Variants in LRRC7 observed in about 807,000 individuals in gnomAD.
LRRC7 encodes leucine-rich repeat-containing protein 7.
Under a neutral mutation model 175.7 loss-of-function variants are expected in LRRC7, and 23 were observed. The ratio of observed to expected loss-of-function variants is 0.13; its 90% confidence interval spans 0.09 to 0.19. LRRC7 has a LOEUF of 0.19. Ranked by LOEUF, LRRC7 falls within the 10% of genes least tolerant of loss-of-function variation. The pLI, the probability that LRRC7 is intolerant of heterozygous loss-of-function variation, is 1.00. For missense variants in LRRC7, 1,354 were observed against 1,904.7 expected, an observed-to-expected ratio of 0.71 and a Z score of 5.38; for synonymous variants, 685 against 680.9, an observed-to-expected ratio of 1.01 and a Z score of -0.09.
At chr1:70,074,281 A>C (rs1662611795) in intron 23 of LRRC7, among the ~76,000 whole-genome samples, 1 of 152,184 alleles carries the variant, frequency 6.6e-6, no homozygotes, top group African/African-American at 2.4e-5. Context: ...AAACAAAAGA[A>C]CACAATGCAA....
chr1:69,950,805 G>A (rs944935151), intron 8 of LRRC7, among the ~76,000 whole-genome samples: 2 of 151,988 alleles, frequency 1.3e-5, no homozygotes, highest in Non-Finnish European at 2.9e-5. Context: ...AGAACACAAG[G>A]GAGATGGATA....
chr1:69,650,556 G>GAAAAAAAAAAAAAAAAAAAA (rs1161888834), intron 1 of LRRC7, among the ~76,000 whole-genome samples: 1 of 87,104 alleles, frequency 1.1e-5, no homozygotes, highest in African/African-American at 4.7e-5. Context: ...AAAAAAAAAT[G>GAAAAAAAAAAAAAAAAAAAA]CCAAGCATCT....
intron 26 of LRRC7, among the ~76,000 whole-genome samples, chr1:70,113,985 C>T (rs2102227976): frequency 6.6e-6 from 1 of 152,026 alleles, no homozygotes; most frequent in Admixed American, 6.6e-5. Flanking sequence ...TGTTGATGTT[C>T]ACAGTTATTA....
chr1:69,884,241 C>T (rs1686937132), intron 7 of LRRC7, among the ~76,000 whole-genome samples: 1 of 87,952 alleles, frequency 1.1e-5, no homozygotes, highest in African/African-American at 4.4e-5. Flanking sequence ...TTCTTCCTAC[C>T]CATGAGCATG....
chr1:69,865,387 C>A (rs1311755949), intron 7 of LRRC7, among the ~76,000 whole-genome samples: 1 of 148,386 alleles, frequency 6.7e-6, no homozygotes, highest in African/African-American at 2.5e-5. Flanking sequence ...GAAGTGCCAA[C>A]ACTAATAGGC....
intron 1 of LRRC7, among the ~76,000 whole-genome samples, chr1:69,672,339 C>T (rs1659201865): frequency 6.6e-6 from 1 of 152,166 alleles, no homozygotes. Flanking sequence ...TGGCTAGCAG[C>T]CACTTTATTG....
At chr1:69,576,048 A>G (rs1296538197) in intron 1 of LRRC7, among the ~76,000 whole-genome samples, 1 of 147,128 alleles carries the variant, frequency 6.8e-6, no homozygotes, top group Admixed American at 7.0e-5. Context: ...CTTGGGCAAT[A>G]TAGTGAGATG....
chr1:69,870,932 C>A (rs1423971209), intron 7 of LRRC7, among the ~76,000 whole-genome samples: 1 of 152,078 alleles, frequency 6.6e-6, no homozygotes, highest in African/African-American at 2.4e-5. Context: ...AACACAATTG[C>A]ATGTATTTAG....
chr1:69,786,408 C>T (rs1195075841), intron 3 of LRRC7, among the ~76,000 whole-genome samples: 2 of 151,746 alleles, frequency 1.3e-5, no homozygotes, highest in Admixed American at 6.6e-5. Context: ...CTATTCCTTT[C>T]TGTCCTCCAT....
chr1:70,084,903 T>C (rs1233960822), intron 24 of LRRC7, among the ~76,000 whole-genome samples: 1 of 152,152 alleles, frequency 6.6e-6, no homozygotes, highest in Admixed American at 6.6e-5. Context: ...ACTAATGATA[T>C]TGAGTATATT....
chr1:69,687,144 C>G (rs1031576543), intron 2 of LRRC7, among the ~76,000 whole-genome samples: 8 of 151,618 alleles, frequency 5.3e-5, no homozygotes, highest in African/African-American at 1.9e-4. Context: ...TTTATTTAGC[C>G]CAACTTAGTT....
chr1:70,013,484 G>A (rs1656702049), intron 13 of LRRC7, among the ~76,000 whole-genome samples: 1 of 151,804 alleles, frequency 6.6e-6, no homozygotes, highest in Admixed American at 6.6e-5. Flanking sequence ...CTATATTTTG[G>A]TTTCCAACAA....
At chr1:69,878,159 T>A (rs1230437361) in intron 7 of LRRC7, among the ~76,000 whole-genome samples, 2 of 152,106 alleles carry the variant, frequency 1.3e-5, no homozygotes, top group Non-Finnish European at 2.9e-5. Flanking sequence ...AACAGGTATT[T>A]GTAAAGATTG....
chr1:69,651,333 A>T (rs1252383568), intron 1 of LRRC7, among the ~76,000 whole-genome samples: 2 of 152,208 alleles, frequency 1.3e-5, no homozygotes, highest in African/African-American at 4.8e-5. Flanking sequence ...GAGCAACTAT[A>T]ACTTTCTCTA....
intron 4 of LRRC7, among the ~76,000 whole-genome samples, chr1:69,815,146 C>A (rs1181209153): frequency 6.6e-6 from 1 of 152,090 alleles, no homozygotes; most frequent in East Asian, 1.9e-4. Flanking sequence ...CTTGTGAAAC[C>A]TCCACCATCA....
chr1:69,968,799 TTTTTTTGTTTTTTG>T (rs896234171), intron 8 of LRRC7, among the ~76,000 whole-genome samples: 1 of 151,460 alleles, frequency 6.6e-6, no homozygotes, highest in African/African-American at 2.4e-5. Flanking sequence ...CTTTGTGGGG[TTTTTTTGTTTTTTG>T]TTTTTTGTTT....
chr1:70,113,025 C>T (rs966648435), intron 26 of LRRC7, among the ~76,000 whole-genome samples: 1 of 151,930 alleles, frequency 6.6e-6, no homozygotes. Flanking sequence ...TGAGTTGGAG[C>T]GAGGCTCAGG....
chr1:70,023,439 T>TG (rs1657731735), intron 17 of LRRC7, 65 bp downstream of exon 17: 1 of 1,448,312 alleles, frequency 6.9e-7, no homozygotes, highest in Non-Finnish European at 9.2e-7. Context: ...CAGTGGTTTA[T>TG]GGGGTATGTT....
At chr1:69,980,048 T>G (rs1464821605) in intron 8 of LRRC7, among the ~76,000 whole-genome samples, 1 of 152,028 alleles carries the variant, frequency 6.6e-6, no homozygotes, top group Non-Finnish European at 1.5e-5. Flanking sequence ...CTTCAAAAGT[T>G]TATACTCTAG....
Sources: allele counts gnomAD v4.1 joint callset (sites outside exome capture counted in the v4.1 genomes callset), GRCh38; gene constraint gnomAD v4.1.1; transcripts MANE v1.5; gene names NCBI Gene and HGNC (gene_info 2026-07-23, HGNC 2026-07-21).